HEATR3: variants seen among roughly 807,000 people sequenced by gnomAD.
HEATR3 encodes HEAT repeat containing 3, also known as HEAT repeat-containing protein 3.
HEATR3 carries 56 observed loss-of-function variants against 72.8 expected under a neutral mutation model. The observed-to-expected ratio is 0.77, with a 90% confidence interval of 0.62 to 0.96. The LOEUF (loss-of-function observed/expected upper bound fraction) is 0.96, where lower values mean the gene tolerates loss of function less well. Ranked by LOEUF, HEATR3 falls within the 40% of genes least tolerant of loss-of-function variation. The probability of loss-of-function intolerance (pLI) is 0.00; values close to 1 mark genes in which losing one functional copy is unlikely to be tolerated. For synonymous variants in HEATR3, 331 were observed against 318.1 expected (o/e 1.04, Z -0.43); for missense variants, 747 against 831.4 (o/e 0.90, Z 1.25).
intron 11 of HEATR3, 28 bp downstream of exon 11, chr16:50,086,379 C>T (rs373648482): frequency 2.3e-5 from 36 of 1,589,300 alleles, no homozygotes; most frequent in South Asian, 1.3e-4. Context: ...CGAAAGACTA[C>T]GCAGACGGAA....
chr16:50,083,890 T>C (rs958183335), intron 7 of HEATR3, 47 bp from the exon 8 acceptor site: 4 of 1,531,796 alleles, frequency 2.6e-6, no homozygotes, highest in Non-Finnish European at 3.5e-6. Flanking sequence ...AAAAACATTT[T>C]CCCAACCATT....
chr16:50,068,987 T>G, intron 3 of HEATR3, 120 bp downstream of exon 3: 1 of 681,692 alleles, frequency 1.5e-6, no homozygotes, highest in Non-Finnish European at 2.6e-6. Flanking sequence ...ATTTCATTCC[T>G]TTTCCTGGAA....
chr16:50,085,313 A>G (rs1010205109), intron 10 of HEATR3, among the ~76,000 whole-genome samples: 2 of 152,134 alleles, frequency 1.3e-5, no homozygotes, highest in African/African-American at 4.8e-5. Flanking sequence ...AACTGTATAT[A>G]TGTCACATTT....
intron 7 of HEATR3, among the ~76,000 whole-genome samples, chr16:50,082,492 G>T (rs2036888375): frequency 6.6e-6 from 1 of 151,798 alleles, no homozygotes; most frequent in Non-Finnish European, 1.5e-5. Flanking sequence ...AAATAGAAAT[G>T]ATTTTTATAT....
In HEATR3 at chr16:50,066,441, A is replaced by C. The variant is rs1023616048; in HGVS notation, c.213A>C (p.Ala71=). ...CCCGGCTGGTGCAGCAGCGGCCGGCACTCCCGGGCCTGGCGCGACGAGACG... is the reference window on the plus strand; with the variant it reads ...CCCGGCTGGTGCAGCAGCGGCCGGCCCTCCCGGGCCTGGCGCGACGAGACG... ...GLARLVQQRP[A]LPGLARRDAV... The change falls in exon 2 of 15, where the codon GCA becomes GCC. Residue 71 remains alanine, a synonymous_variant. Coordinates refer to ENST00000299192, the MANE Select transcript of HEATR3 (RefSeq NM_182922.4). 5.6e-6 allele frequency: 8 copies of C among 1,431,848 alleles called. No homozygotes were observed. Among genetic ancestry groups the C allele is most frequent in the Admixed American group, 3.2e-5 (1 of 31,584 alleles). The allele number at this position is 1,431,848 out of a possible 1,614,324, so 88.7% of individuals were successfully genotyped here.
chr16:50,097,397 G>A (rs2037267047), intron 12 of HEATR3, among the ~76,000 whole-genome samples: 1 of 129,580 alleles, frequency 7.7e-6, no homozygotes, highest in South Asian at 2.3e-4. Flanking sequence ...AGTGACCAGT[G>A]ATTTTTTTTT....
rs771865501 is a variant in HEATR3 at position 50,102,377 on chromosome 16, C to T, written c.1862C>T (p.Ser621Leu). 13 of 1,613,924 alleles carry T rather than the reference C, an allele frequency of 8.1e-6. No individual in the cohort carries two copies. Among genetic ancestry groups the T allele is most frequent in the African/African-American group, 1.3e-5 (1 of 74,892 alleles). Reference protein sequence around the residue: ...FADGKEAERASIQIKLLSALK... With the variant: ...FADGKEAERALIQIKLLSALK... The stretch of plus-strand genomic sequence containing the variant: ...GATGGTAAAGAAGCCGAAAGAGCCT[C>T]GATTCAAATTAAATTATTATCTGCT... The change falls in exon 14 of 15, where the codon TCG becomes TTG. Residue 621 changes from serine to leucine, a missense_variant. Ser to Leu is a moderately radical substitution (Grantham distance 145, BLOSUM62 -2). Around this residue, in one of 2 missense-constraint regions of HEATR3, gnomAD observed 586 missense variants for 708.8 expected, o/e 0.83. Coordinates refer to ENST00000299192, the MANE Select transcript of HEATR3 (RefSeq NM_182922.4).
intron 12 of HEATR3, among the ~76,000 whole-genome samples, chr16:50,095,778 T>TTCA (rs1205826116): frequency 6.6e-6 from 1 of 152,168 alleles, no homozygotes; most frequent in African/African-American, 2.4e-5. Flanking sequence ...CATGGTTTCA[T>TTCA]TCATCTCACT....
chr16:50,087,325 T>G (rs1319154722), intron 11 of HEATR3, among the ~76,000 whole-genome samples: 4 of 152,204 alleles, frequency 2.6e-5, no homozygotes, highest in Non-Finnish European at 4.4e-5. Flanking sequence ...TAATTTCATA[T>G]GCACACAAAG....
intron 6 of HEATR3, among the ~76,000 whole-genome samples, chr16:50,077,159 C>T (rs1230504963): frequency 6.6e-6 from 1 of 152,074 alleles, no homozygotes; most frequent in African/African-American, 2.4e-5. Flanking sequence ...CAGGCGTGAG[C>T]CACCGCGCCT....
At chr16:50,101,106 C>CT (rs5816674) in intron 13 of HEATR3, among the ~76,000 whole-genome samples, 112,132 of 145,006 alleles carry the variant, frequency 0.77, 43,147 homozygotes, top group Middle Eastern at 0.83. Flanking sequence ...ACTTGCAAAG[C>CT]TTTTTTTTTT....
rs140757290 is a variant in HEATR3 at position 50,104,617 on chromosome 16, A to G, written c.1921-322A>G. Among the ~76,000 whole-genome samples, 58 of 152,290 alleles carry G rather than the reference A, an allele frequency of 3.8e-4. No individual in the cohort carries two copies. The East Asian group carries it at 7.7e-3, about 20-fold the overall frequency. On this transcript the variant is annotated intron_variant, in intron 14 of 14. Transcript: ENST00000299192. Reference sequence around the variant, plus strand: ...CATAGCAATGCATACTAACTAGGAAAATCAATCTGAACAGCAGACCTTTCA... The same window carrying G: ...CATAGCAATGCATACTAACTAGGAAGATCAATCTGAACAGCAGACCTTTCA...
At position 50,078,972 on chromosome 16, in the gene HEATR3, A is replaced by C. The variant is rs11645775; in HGVS notation, c.995A>C (p.His332Pro). The C allele has an allele frequency of 1.1e-4, 174 of 1,613,752 alleles. No homozygotes were observed. The highest frequency in any genetic ancestry group is 1.4e-4 in the Non-Finnish European group (167 of 1,179,962). Reference sequence around the variant, plus strand: ...GATGATGAAATGGAAGGAATTTCTCATAAAAGAAGAGTCAGAAGGAAAACT... The same window carrying C: ...GATGATGAAATGGAAGGAATTTCTCCTAAAAGAAGAGTCAGAAGGAAAACT... ...IEDDEMEGIS[H>P]KRRVRRKTFV... is the part of the protein sequence containing the mutation. Residue 332 changes from histidine (H) to proline (P), a missense_variant, in exon 7 of 15, where the codon CAT becomes CCT. Coordinates refer to ENST00000299192, the MANE Select transcript of HEATR3 (RefSeq NM_182922.4).
At chr16:50,068,759 T>C (rs1444867275) in intron 2 of HEATR3, 21 bp from the exon 3 acceptor site, 3 of 1,580,680 alleles carry the variant, frequency 1.9e-6, no homozygotes, top group East Asian at 2.2e-5. Context: ...AAGTAAAACA[T>C]GTTTTAAACT....
chr16:50,106,999 G>A lies in HEATR3; in HGVS notation c.*1938G>A, dbSNP rs1413953724. Among the ~76,000 whole-genome samples, 1 of 152,098 alleles carries A rather than the reference G, an allele frequency of 6.6e-6. No individual in the cohort carries two copies. The highest frequency in any genetic ancestry group is 1.5e-5 in the Non-Finnish European group (1 of 68,026). The stretch of plus-strand genomic sequence containing the variant: ...TGCTCATGAATTTTAAGGTATATAT[G>A]TATGTTTAGTGATCATTTCAGCTAA... On this transcript the variant is annotated 3_prime_UTR_variant, in exon 15 of 15. Transcript: ENST00000299192.
Position 50,066,021 on chromosome 16 carries a change from T to C in HEATR3, c.-111T>C. The C allele has an allele frequency of 3.0e-6, 3 of 1,012,936 alleles. No individual in the cohort carries two copies. Among genetic ancestry groups the C allele is most frequent in the Non-Finnish European group, 2.6e-6 (2 of 763,266 alleles). 62.7% of individuals were successfully genotyped at this position (1,012,936 alleles called of 1,614,324 possible). On this transcript the variant is annotated 5_prime_UTR_variant, in exon 1 of 15. Transcript: ENST00000299192. ...GGCTTGCCCATGTGTGCTGCAGCCGTCAGCCGGCCCAGCTGAGCAGCAGCA... is the reference window on the plus strand; with the variant it reads ...GGCTTGCCCATGTGTGCTGCAGCCGCCAGCCGGCCCAGCTGAGCAGCAGCA...
intron 7 of HEATR3, chr16:50,080,346 T>TC (rs1376916282): frequency 6.6e-6 from 1 of 151,900 alleles, no homozygotes; most frequent in East Asian, 1.9e-4. Flanking sequence ...TCACAGATTT[T>TC]TTTTTTTTTT....
At chr16:50,066,628 C>G (rs2036503504) in intron 2 of HEATR3, 89 bp downstream of exon 2, 4 of 1,170,384 alleles carry the variant, frequency 3.4e-6, no homozygotes, top group African/African-American at 1.6e-5. Context: ...CCAGCGCCTT[C>G]TGTGTGCCAT....
At chr16:50,103,699 G>A (rs1187186308) in intron 14 of HEATR3, among the ~76,000 whole-genome samples, 1 of 152,138 alleles carries the variant, frequency 6.6e-6, no homozygotes, top group Non-Finnish European at 1.5e-5. Flanking sequence ...TAGACTAGAG[G>A]TGAGATCAAA....
Sources: gnomAD v4.1 joint callset for allele counts (sites outside exome capture counted in the v4.1 genomes callset) on GRCh38, gnomAD v4.1.1 for gene constraint, gnomAD v4.1.1 regional missense constraint, MANE v1.5 for transcripts, NCBI Gene and HGNC (gene_info 2026-07-23, HGNC 2026-07-21) for gene names.